SPINK5: variants seen among roughly 807,000 people sequenced by gnomAD.
The protein encoded by SPINK5 is serine protease inhibitor Kazal-type 5.
In SPINK5, 125 loss-of-function variants were observed where a neutral mutation model predicts 151.8. That is an observed-to-expected ratio of 0.82 (90% confidence interval 0.71 to 0.96). The LOEUF (loss-of-function observed/expected upper bound fraction) is 0.96. SPINK5 is among the 40% of genes least tolerant of loss of function. The probability of loss-of-function intolerance (pLI) is 0.00; values close to 1 mark genes in which losing one functional copy is unlikely to be tolerated. For missense variants in SPINK5, 1,194 were observed against 1,291.9 expected (o/e 0.92, Z 1.16); for synonymous variants, 374 against 395.3 (o/e 0.95, Z 0.64).
chr5:148,124,023 G>A (rs1470741273), intron 27 of SPINK5, 63 bp downstream of exon 27: 1 of 1,595,044 alleles, frequency 6.3e-7, no homozygotes, highest in Non-Finnish European at 8.5e-7. Flanking sequence ...ATTAGTTTTT[G>A]TTACTTTTAA....
chr5:148,104,647 GC>G (rs1753731543), intron 15 of SPINK5, among the ~76,000 whole-genome samples: 1 of 152,140 alleles, frequency 6.6e-6, no homozygotes, highest in Non-Finnish European at 1.5e-5. Context: ...TGTAATCCCA[GC>G]ACTTTTGGAG....
At chr5:148,123,521 G>GTGTGTGTATATATATATATA (rs1328976077) in intron 26 of SPINK5, among the ~76,000 whole-genome samples, 498 of 24,958 alleles carry the variant, frequency 0.02, 9 homozygotes, top group African/African-American at 0.038. Context: ...CAATATATGT[G>GTGTGTGTATATATATATATA]TATATATATA....
intron 4 of SPINK5, among the ~76,000 whole-genome samples, chr5:148,082,345 C>T (rs1753041650): frequency 6.6e-6 from 1 of 151,014 alleles, no homozygotes; most frequent in Admixed American, 6.6e-5. Context: ...AATAATTATA[C>T]ATCTCAGGAT....
chr5:148,134,659 T>A (rs1382824475), intron 32 of SPINK5, among the ~76,000 whole-genome samples: 3 of 152,056 alleles, frequency 2.0e-5, no homozygotes, highest in Non-Finnish European at 4.4e-5. Flanking sequence ...GACCAAAGTA[T>A]GAATTTAGAA....
intron 27 of SPINK5, among the ~76,000 whole-genome samples, chr5:148,124,452 G>GCAA (rs1174377608): frequency 6.6e-6 from 1 of 152,104 alleles, no homozygotes; most frequent in Admixed American, 6.6e-5. Flanking sequence ...GAGAATTATA[G>GCAA]CAACTTTCTA....
chr5:148,110,910 A>G (rs956110368), intron 18 of SPINK5, among the ~76,000 whole-genome samples: 1 of 152,144 alleles, frequency 6.6e-6, no homozygotes, highest in African/African-American at 2.4e-5. Flanking sequence ...ACCATGGCAC[A>G]TGTATACCTA....
chr5:148,132,806 A>G (rs569500945), intron 31 of SPINK5, among the ~76,000 whole-genome samples: 15 of 152,342 alleles, frequency 9.8e-5, no homozygotes, highest in African/African-American at 2.6e-4. Context: ...GATATGAACA[A>G]TCCACACACA....
At chr5:148,122,084 T>C (rs1466721054) in intron 26 of SPINK5, among the ~76,000 whole-genome samples, 1 of 152,038 alleles carries the variant, frequency 6.6e-6, no homozygotes, top group Non-Finnish European at 1.5e-5. Flanking sequence ...TTACCAATAA[T>C]TATATTTAAA....
intron 15 of SPINK5, among the ~76,000 whole-genome samples, chr5:148,102,578 T>G (rs1753678488): frequency 6.6e-6 from 1 of 152,116 alleles, no homozygotes; most frequent in Admixed American, 6.6e-5. Context: ...ATTTAAAAAG[T>G]AACCTAGAAT....
At chr5:148,120,442 G>C (rs1581102330) in intron 26 of SPINK5, 51 bp downstream of exon 26, 14 of 1,548,252 alleles carry the variant, frequency 9.0e-6, no homozygotes, top group Non-Finnish European at 1.2e-5. Context: ...TTCATTGTAT[G>C]GTATATTTAT....
At chr5:148,106,248 C>T (rs1244873514) in intron 16 of SPINK5, among the ~76,000 whole-genome samples, 1 of 151,952 alleles carries the variant, frequency 6.6e-6, no homozygotes, top group Non-Finnish European at 1.5e-5. Flanking sequence ...CAATTTACTC[C>T]CAGAAATATG....
At chr5:148,124,996 G>A in intron 28 of SPINK5, 159 bp downstream of exon 28, 1 of 1,061,726 alleles carries the variant, frequency 9.4e-7, no homozygotes, top group Non-Finnish European at 1.2e-6. Context: ...AAGATTTTTG[G>A]GGGTTTGGGG....
At chr5:148,082,242 T>G (rs1581060876) in intron 4 of SPINK5, among the ~76,000 whole-genome samples, 1 of 151,664 alleles carries the variant, frequency 6.6e-6, no homozygotes, top group East Asian at 1.9e-4. Context: ...TTCTTTATGT[T>G]TGTTCCTGTT....
Position 148,127,087 on chromosome 5 carries a change from G to A in SPINK5, c.2964+8G>A. Reference sequence around the variant, plus strand: ...GACTCTTTCAGTTCTCTGGTAAGGAGGACTATTTCTGAAAAGCTACTTATC... The same window carrying A: ...GACTCTTTCAGTTCTCTGGTAAGGAAGACTATTTCTGAAAAGCTACTTATC... On this transcript the variant is annotated splice_region_variant and intron_variant, in intron 30 of 32. Transcript: ENST00000256084. The A allele has an allele frequency of 6.2e-7, 1 of 1,607,022 alleles. No individual in the cohort carries two copies. The highest frequency in any genetic ancestry group is 8.5e-7 in the Non-Finnish European group (1 of 1,174,800).
At chr5:148,134,148 C>T (rs372297408) in intron 32 of SPINK5, 20 of 484,704 alleles carry the variant, frequency 4.1e-5, no homozygotes, top group East Asian at 4.1e-4. Context: ...TCCAACATAA[C>T]GTTACTTATT....
rs755855612 is a variant in SPINK5, at chr5:148,120,411, C to A, written c.2538+20C>A. 6.3e-7 allele frequency: 1 copy of A among 1,580,834 alleles called. No homozygotes were observed. Among genetic ancestry groups the A allele is most frequent in the South Asian group, 1.2e-5 (1 of 86,566 alleles). On this transcript the variant is annotated intron_variant, in intron 26 of 32. Coordinates refer to ENST00000256084, the MANE Select transcript of SPINK5 (RefSeq NM_006846.4). ...AAAGAGGTAATAGATGTTAGACACG[C>A]TAATACCTGAATTCAGTTAGTTCAT...
At chr5:148,064,499 T>C (rs1752525907) in intron 1 of SPINK5, among the ~76,000 whole-genome samples, 1 of 152,198 alleles carries the variant, frequency 6.6e-6, no homozygotes, top group Non-Finnish European at 1.5e-5. Flanking sequence ...AAATGAAATA[T>C]TTTTTAAAAT....
At chr5:148,078,981 ATGT>A (rs1303338317) in intron 4 of SPINK5, among the ~76,000 whole-genome samples, 2 of 150,964 alleles carry the variant, frequency 1.3e-5, no homozygotes, top group African/African-American at 4.8e-5. Context: ...AATAAAACCA[ATGT>A]TGGTTCTTTG....
intron 4 of SPINK5, 103 bp from the exon 5 acceptor site, chr5:148,086,302 C>T (rs1370067621): frequency 1.2e-5 from 18 of 1,443,494 alleles, no homozygotes. Context: ...TTTTCTTCTC[C>T]AGCAATTTAC....
Sources: gnomAD v4.1 joint callset for allele counts (sites outside exome capture counted in the v4.1 genomes callset) on GRCh38, gnomAD v4.1.1 for gene constraint, MANE v1.5 for transcripts, NCBI Gene and HGNC (gene_info 2026-07-23, HGNC 2026-07-21) for gene names.